The following PDE4B variants were observed in gnomAD, a reference collection of about 807,000 sequenced individuals.
The protein encoded by PDE4B is 3',5'-cyclic-AMP phosphodiesterase 4B.
Under a neutral mutation model 82.2 loss-of-function variants are expected in PDE4B, and 20 were observed. The ratio of observed to expected loss-of-function variants is 0.24; its 90% confidence interval spans 0.17 to 0.35. PDE4B has a LOEUF of 0.35. Among genes scored for constraint, PDE4B ranks in the 10% least tolerant of loss-of-function variants. The pLI is 1.00. For synonymous variants in PDE4B, 320 were observed against 318.9 expected (o/e 1.00, Z -0.04); for missense variants, 655 against 907.2 (o/e 0.72, Z 3.57).
Position 66,052,310 on chromosome 1 carries a change from A to G in PDE4B, c.281+133475A>G, listed in dbSNP as rs188132881. On this transcript the variant is annotated intron_variant, in intron 3 of 16. Transcript: ENST00000341517. ...ACTATCCTTTAAAAATTCACAAAGA[A>G]AGCTAAAAATGCTTGCAAAAATTGT... Among the ~76,000 whole-genome samples, 7 of 152,304 alleles carry G rather than the reference A, an allele frequency of 4.6e-5. 1 individual carries two copies. In the East Asian group the frequency reaches 1.3e-3, roughly 29 times the overall value.
chr1:66,368,650 CG>C (rs1324128183), intron 15 of PDE4B, 136 bp from the exon 16 acceptor site: 6 of 524,420 alleles, frequency 1.1e-5, no homozygotes, highest in Non-Finnish European at 1.8e-5. Context: ...CATTTTTTTT[CG>C]GTGCATATGT....
chr1:66,190,935 T>C (rs1349470680), intron 3 of PDE4B, among the ~76,000 whole-genome samples: 3 of 152,176 alleles, frequency 2.0e-5, no homozygotes. Flanking sequence ...TCACTCACGC[T>C]GGGAGCTGTA....
At chr1:66,112,265 T>C (rs1469114366) in intron 3 of PDE4B, among the ~76,000 whole-genome samples, 3 of 152,168 alleles carry the variant, frequency 2.0e-5, no homozygotes, top group African/African-American at 7.2e-5. Flanking sequence ...AATTTAATGT[T>C]CTTGTATTGC....
chr1:66,213,185 G>C (rs1248218090), intron 3 of PDE4B, among the ~76,000 whole-genome samples: 1 of 152,146 alleles, frequency 6.6e-6, no homozygotes, highest in African/African-American at 2.4e-5. Context: ...GAATCTCCTG[G>C]AGATGATATT....
intron 3 of PDE4B, among the ~76,000 whole-genome samples, chr1:65,919,693 A>G (rs1647202911): frequency 6.6e-6 from 1 of 152,204 alleles, no homozygotes; most frequent in Admixed American, 6.5e-5. Context: ...ATTATTGTAC[A>G]ACATTATTGT....
At chr1:66,253,262 A>T (rs1429671133) in intron 4 of PDE4B, among the ~76,000 whole-genome samples, 1 of 152,234 alleles carries the variant, frequency 6.6e-6, no homozygotes, top group South Asian at 2.1e-4. Context: ...ATATCTCTCC[A>T]TATGACAGAC....
chr1:66,234,040 C>T (rs1158774283), intron 3 of PDE4B, among the ~76,000 whole-genome samples: 2 of 152,104 alleles, frequency 1.3e-5, no homozygotes, highest in Non-Finnish European at 2.9e-5. Context: ...GAAATATTCC[C>T]TCCTCTTCAA....
At chr1:66,303,178 G>C (rs1373424046) in intron 7 of PDE4B, among the ~76,000 whole-genome samples, 1 of 152,120 alleles carries the variant, frequency 6.6e-6, no homozygotes, top group Non-Finnish European at 1.5e-5. Context: ...TTGAGAAAAT[G>C]TTGCCTGATC....
intron 6 of PDE4B, among the ~76,000 whole-genome samples, chr1:66,261,975 A>C (rs1279876800): frequency 6.6e-6 from 1 of 152,192 alleles, no homozygotes; most frequent in Non-Finnish European, 1.5e-5. Context: ...CTGGGAGCAA[A>C]TAGGTGTCAT....
At chr1:65,946,889 T>G (rs979418660) in intron 3 of PDE4B, among the ~76,000 whole-genome samples, 1 of 152,064 alleles carries the variant, frequency 6.6e-6, no homozygotes, top group African/African-American at 2.4e-5. Context: ...TGCTGAACAT[T>G]GTGATTCTCT....
chr1:66,270,208 G>T (rs1040956868), intron 7 of PDE4B, among the ~76,000 whole-genome samples: 1 of 152,152 alleles, frequency 6.6e-6, no homozygotes, highest in African/African-American at 2.4e-5. Flanking sequence ...TGCATTTCAA[G>T]AAAAGACTGT....
At chr1:66,040,475 T>G (rs940265418) in intron 3 of PDE4B, among the ~76,000 whole-genome samples, 9 of 151,996 alleles carry the variant, frequency 5.9e-5, no homozygotes, top group Admixed American at 6.6e-5. Flanking sequence ...ATTAGGGGAT[T>G]AAAATGACAG....
chr1:66,077,854 T>G (rs1482822144), intron 3 of PDE4B, among the ~76,000 whole-genome samples: 1 of 152,188 alleles, frequency 6.6e-6, no homozygotes, highest in African/African-American at 2.4e-5. Flanking sequence ...TTTTTATATC[T>G]TCAGATGGTG....
chr1:66,265,723 C>A (rs1441907895), intron 6 of PDE4B, among the ~76,000 whole-genome samples: 1 of 152,082 alleles, frequency 6.6e-6, no homozygotes, highest in African/African-American at 2.4e-5. Context: ...GCAAGTGACT[C>A]TTTTTCTCAG....
At chr1:65,895,951 A>AATC (rs1034190165) in intron 1 of PDE4B, among the ~76,000 whole-genome samples, 1 of 148,378 alleles carries the variant, frequency 6.7e-6, no homozygotes, top group African/African-American at 2.5e-5. Context: ...TAATAATAAT[A>AATC]ATAATAATAA....
chr1:65,793,892 T>C (rs1304359124), intron 1 of PDE4B, among the ~76,000 whole-genome samples: 1 of 152,234 alleles, frequency 6.6e-6, no homozygotes, highest in African/African-American at 2.4e-5. Flanking sequence ...TTCTTCCATC[T>C]TCCTGTTTTG....
chr1:66,223,694 C>T (rs888392107), intron 3 of PDE4B, among the ~76,000 whole-genome samples: 4 of 152,088 alleles, frequency 2.6e-5, no homozygotes, highest in African/African-American at 7.2e-5. Flanking sequence ...CCCCCCAGCC[C>T]CACATTCAAT....
In PDE4B at chr1:65,979,731, G is replaced by C. The variant is rs1303262305; in HGVS notation, c.281+60896G>C. On this transcript the variant is annotated intron_variant, in intron 3 of 16. Transcript: ENST00000341517. ...GAAAGCGCTTGCAGTTTAACTAAGT[G>C]GTCTTTATTGATTAAGCAGGCATTT... Among the ~76,000 whole-genome samples, 3 of 152,124 alleles carry C rather than the reference G, an allele frequency of 2.0e-5. No individual in the cohort carries two copies. The East Asian group carries it at 5.8e-4, about 29-fold the overall frequency.
intron 4 of PDE4B, among the ~76,000 whole-genome samples, chr1:66,251,211 A>G (rs1337005420): frequency 2.0e-5 from 3 of 152,214 alleles, no homozygotes; most frequent in Admixed American, 2.0e-4. Flanking sequence ...AAAATACTTT[A>G]CATATGTTAA....
Sources: allele counts gnomAD v4.1 joint callset (sites outside exome capture counted in the v4.1 genomes callset), GRCh38; gene constraint gnomAD v4.1.1; transcripts MANE v1.5; gene names NCBI Gene and HGNC (gene_info 2026-07-23, HGNC 2026-07-21).